The following SAMTOR variants were observed in gnomAD, a reference collection of about 807,000 sequenced individuals.
SAMTOR encodes UPF0532 protein C7orf60.
chr7:112,918,600 T>A, the SAMTOR span, among the ~76,000 whole-genome samples: 1 of 152,046 alleles, frequency 6.6e-6, no homozygotes, highest in Non-Finnish European at 1.5e-5. Flanking sequence ...CATAACAATA[T>A]CAACTTTAAA....
At chr7:112,893,731 G>C in the SAMTOR span, among the ~76,000 whole-genome samples, 1 of 152,092 alleles carries the variant, frequency 6.6e-6, no homozygotes, top group South Asian at 2.1e-4. Context: ...GTGAAACCCC[G>C]TCTCTACTAA....
At chr7:112,906,420 A>G in the SAMTOR span, among the ~76,000 whole-genome samples, 37,722 of 152,024 alleles carry the variant, frequency 0.25, 6,339 homozygotes, top group Non-Finnish European at 0.37. Flanking sequence ...AGGGAAGGGG[A>G]CATTTACAAC....
At chr7:112,937,176 C>G in the SAMTOR span, among the ~76,000 whole-genome samples, 1 of 152,108 alleles carries the variant, frequency 6.6e-6, no homozygotes, top group Non-Finnish European at 1.5e-5. Flanking sequence ...CTAAGAGGCA[C>G]CCAGTTGAAT....
chr7:112,893,888 C>T, the SAMTOR span, among the ~76,000 whole-genome samples: 13 of 152,282 alleles, frequency 8.5e-5, no homozygotes, highest in African/African-American at 2.9e-4. Flanking sequence ...GGCGACAGAG[C>T]GAGACTCCGT....
At chr7:112,824,147 A>G in the SAMTOR span, among the ~76,000 whole-genome samples, 2 of 152,134 alleles carry the variant, frequency 1.3e-5, no homozygotes, top group East Asian at 3.9e-4. Flanking sequence ...TTCTTTTAAC[A>G]GTGTCCTTTG....
At chr7:112,920,539 C>G in the SAMTOR span, among the ~76,000 whole-genome samples, 1 of 150,070 alleles carries the variant, frequency 6.7e-6, no homozygotes, top group East Asian at 1.9e-4. Context: ...AAAACTGGCA[C>G]AAGACAGGGA....
At chr7:112,916,978 G>GGCCT in the SAMTOR span, among the ~76,000 whole-genome samples, 67 of 152,324 alleles carry the variant, frequency 4.4e-4, no homozygotes, top group African/African-American at 1.3e-3. Context: ...AGCTCAAGGA[G>GGCCT]GCCTGCCTGC....
the SAMTOR span, among the ~76,000 whole-genome samples, chr7:112,873,362 A>G: frequency 3.9e-5 from 6 of 152,162 alleles, no homozygotes; most frequent in Admixed American, 2.6e-4. Flanking sequence ...CACTGGTACA[A>G]ACACAGATAC....
the SAMTOR span, among the ~76,000 whole-genome samples, chr7:112,871,556 C>T: frequency 6.6e-6 from 1 of 152,082 alleles, no homozygotes; most frequent in Non-Finnish European, 1.5e-5. Context: ...CTAAATGCCA[C>T]ACCAAGATAG....
chr7:112,888,023 A>G, the SAMTOR span, among the ~76,000 whole-genome samples: 1 of 152,092 alleles, frequency 6.6e-6, no homozygotes, highest in Non-Finnish European at 1.5e-5. Flanking sequence ...ATAGATGCTT[A>G]TATTATTGAT....
At chr7:112,935,230 G>A in the SAMTOR span, 5,445 of 447,152 alleles carry the variant, frequency 0.012, 63 homozygotes, top group Non-Finnish European at 0.02. Context: ...TCTTGGACTT[G>A]GTCAAAATTT....
At chr7:112,915,464 A>C in the SAMTOR span, 4 of 1,567,944 alleles carry the variant, frequency 2.6e-6, no homozygotes, top group Non-Finnish European at 3.5e-6. Context: ...ACAAAGTGAT[A>C]AATGAATTAA....
the SAMTOR span, among the ~76,000 whole-genome samples, chr7:112,867,024 A>G: frequency 5.3e-5 from 8 of 152,366 alleles, no homozygotes; most frequent in Non-Finnish European, 5.9e-5. Context: ...GCCATTGTCA[A>G]TTATACGTTT....
the SAMTOR span, among the ~76,000 whole-genome samples, chr7:112,881,573 T>C: frequency 1.3e-5 from 2 of 152,224 alleles, no homozygotes; most frequent in African/African-American, 2.4e-5. Context: ...CTCGACTCAT[T>C]GGGATGACAT....
chr7:112,890,028 GA>G, the SAMTOR span, among the ~76,000 whole-genome samples: 4 of 152,338 alleles, frequency 2.6e-5, no homozygotes, highest in Admixed American at 2.0e-4. Flanking sequence ...TTGAGCTGCA[GA>G]ATGGAGGACT....
chr7:112,877,509 A>C, the SAMTOR span, among the ~76,000 whole-genome samples: 1 of 152,222 alleles, frequency 6.6e-6, no homozygotes, highest in African/African-American at 2.4e-5. Flanking sequence ...TGAAAATAGC[A>C]ATGATAAAAC....
the SAMTOR span, among the ~76,000 whole-genome samples, chr7:112,922,965 A>G: frequency 1.4e-5 from 2 of 146,862 alleles, no homozygotes; most frequent in Non-Finnish European, 3.0e-5. Flanking sequence ...CCACCACCCC[A>G]TCTGGGAGGT....
the SAMTOR span, among the ~76,000 whole-genome samples, chr7:112,932,068 G>A: frequency 7.2e-5 from 11 of 152,066 alleles, no homozygotes; most frequent in East Asian, 2.1e-3. Context: ...TGGGACTACA[G>A]GCACATGCCA....
At chr7:112,924,789 A>G in the SAMTOR span, among the ~76,000 whole-genome samples, 1 of 147,466 alleles carries the variant, frequency 6.8e-6, no homozygotes, top group Non-Finnish European at 1.5e-5. Context: ...ATAATAAATT[A>G]TGATTTATTT....
Sources: allele counts gnomAD v4.1 joint callset (sites outside exome capture counted in the v4.1 genomes callset), GRCh38; gene constraint gnomAD v4.1.1; transcripts MANE v1.5; gene names NCBI Gene and HGNC (gene_info 2026-07-23, HGNC 2026-07-21).